Variants in ZNF804A observed in about 807,000 individuals in gnomAD.
The protein encoded by ZNF804A is zinc finger protein 804A.
ZNF804A carries 2 observed loss-of-function variants against 16.5 expected under a neutral mutation model. That is an observed-to-expected ratio of 0.12 (90% confidence interval 0.05 to 0.38). The LOEUF is 0.38. Ranked by LOEUF, ZNF804A falls within the 10% of genes least tolerant of loss-of-function variation. The pLI is 0.99. For missense variants in ZNF804A, 1,473 were observed against 1,390.7 expected, an observed-to-expected ratio of 1.06 and a Z score of -0.94; for synonymous variants, 534 against 489.6, an observed-to-expected ratio of 1.09 and a Z score of -1.20.
intron 1 of ZNF804A, among the ~76,000 whole-genome samples, chr2:184,651,036 A>G (rs1447794838): frequency 1.3e-5 from 2 of 152,146 alleles, no homozygotes; most frequent in East Asian, 3.8e-4. Context: ...CCCAACTTCA[A>G]ATTATACTAT....
At chr2:184,827,921 C>A (rs1409054803) in intron 1 of ZNF804A, among the ~76,000 whole-genome samples, 1 of 151,538 alleles carries the variant, frequency 6.6e-6, no homozygotes, top group Non-Finnish European at 1.5e-5. Flanking sequence ...CTTGAGAGTG[C>A]GTACTTGTAA....
intron 1 of ZNF804A, among the ~76,000 whole-genome samples, chr2:184,613,577 A>C (rs568611120): frequency 6.6e-6 from 1 of 152,354 alleles, no homozygotes; most frequent in South Asian, 2.1e-4. Context: ...ACAAATTAAA[A>C]ATTAATAAAA....
intron 2 of ZNF804A, among the ~76,000 whole-genome samples, chr2:184,925,528 C>T (rs1396633170): frequency 1.3e-5 from 2 of 151,690 alleles, no homozygotes; most frequent in African/African-American, 4.8e-5. Context: ...GAGTTTAGTC[C>T]ATGTATGCTT....
chr2:184,888,661 A>C (rs1684934498), intron 2 of ZNF804A, among the ~76,000 whole-genome samples: 3 of 152,154 alleles, frequency 2.0e-5, no homozygotes, highest in Admixed American at 2.0e-4. Context: ...CTCAGTTCTA[A>C]ATGCTGCCTA....
chr2:184,791,825 A>C (rs1432382859), intron 1 of ZNF804A, among the ~76,000 whole-genome samples: 1 of 152,158 alleles, frequency 6.6e-6, no homozygotes, highest in Non-Finnish European at 1.5e-5. Flanking sequence ...GAGCCCTAAA[A>C]AATCATCTTT....
At chr2:184,637,516 A>T (rs1479183619) in intron 1 of ZNF804A, among the ~76,000 whole-genome samples, 1 of 152,158 alleles carries the variant, frequency 6.6e-6, no homozygotes, top group East Asian at 1.9e-4. Flanking sequence ...AAAGTATAAC[A>T]TTTTAGTGTT....
Position 184,938,373 on chromosome 2 carries a change from C to T in ZNF804A, c.2977C>T (p.Arg993Cys), listed in dbSNP as rs765408830. The T allele has an allele frequency of 1.9e-6, 3 of 1,614,078 alleles. No individual in the cohort carries two copies. Among genetic ancestry groups the T allele is most frequent in the East Asian group, 2.2e-5 (1 of 44,856 alleles). Residue 993 changes from arginine (R) to cysteine (C), a missense_variant, in exon 4 of 4, where the codon CGT (arginine) becomes TGT (cysteine). Physicochemically the swap from Arg to Cys is radical, Grantham distance 180. Transcript: ENST00000302277. ...KMNETPTEWL[R>C]YNSGILNTQP... ...GAATGAGACACCAACTGAGTGGCTG[C>T]GTTATAATTCAGGAATCCTTAACAC... is the stretch of plus-strand genomic sequence containing the variant.
intron 1 of ZNF804A, among the ~76,000 whole-genome samples, chr2:184,720,209 A>G (rs1052843468): frequency 6.6e-6 from 1 of 152,174 alleles, no homozygotes; most frequent in African/African-American, 2.4e-5. Flanking sequence ...CCCATAATTC[A>G]GTCACCTCCC....
intron 1 of ZNF804A, among the ~76,000 whole-genome samples, chr2:184,605,351 C>A (rs1691128409): frequency 6.6e-6 from 1 of 152,002 alleles, no homozygotes; most frequent in Non-Finnish European, 1.5e-5. Flanking sequence ...AGTTTCTCTT[C>A]CTAAAAATTT....
At chr2:184,852,238 T>C (rs1695616444) in intron 1 of ZNF804A, among the ~76,000 whole-genome samples, 1 of 148,336 alleles carries the variant, frequency 6.7e-6, no homozygotes, top group Admixed American at 6.6e-5. Flanking sequence ...TTTCTCTCTC[T>C]CTCTCTCTCT....
chr2:184,898,384 G>C (rs1685122964), intron 2 of ZNF804A, among the ~76,000 whole-genome samples: 1 of 142,588 alleles, frequency 7.0e-6, no homozygotes, highest in African/African-American at 2.9e-5. Flanking sequence ...CTCTTTACTT[G>C]GAAGTCTGTG....
At chr2:184,827,675 AT>A in intron 1 of ZNF804A, among the ~76,000 whole-genome samples, 1 of 151,194 alleles carries the variant, frequency 6.6e-6, no homozygotes, top group East Asian at 1.9e-4. Context: ...ATATAAACTA[AT>A]TTGTTTCTAG....
intron 1 of ZNF804A, among the ~76,000 whole-genome samples, chr2:184,826,933 T>A (rs1004803588): frequency 6.6e-6 from 1 of 152,108 alleles, no homozygotes; most frequent in African/African-American, 2.4e-5. Context: ...TACTTTTTAC[T>A]TCATTTTATC....
intron 1 of ZNF804A, among the ~76,000 whole-genome samples, chr2:184,832,646 C>A (rs1336271078): frequency 1.3e-5 from 2 of 151,550 alleles, no homozygotes; most frequent in Non-Finnish European, 3.0e-5. Flanking sequence ...TTTTTTTATA[C>A]TTTTCATTCT....
At chr2:184,612,733 T>C (rs1269060674) in intron 1 of ZNF804A, among the ~76,000 whole-genome samples, 1 of 152,134 alleles carries the variant, frequency 6.6e-6, no homozygotes, top group Non-Finnish European at 1.5e-5. Context: ...TTAAAGTAGT[T>C]GATGTTATGA....
chr2:184,808,535 T>C (rs1694846011), intron 1 of ZNF804A, among the ~76,000 whole-genome samples: 1 of 151,582 alleles, frequency 6.6e-6, no homozygotes, highest in Non-Finnish European at 1.5e-5. Flanking sequence ...AATACATATA[T>C]GAAATTTTGG....
At chr2:184,787,789 C>T (rs186655306) in intron 1 of ZNF804A, among the ~76,000 whole-genome samples, 105 of 150,434 alleles carry the variant, frequency 7.0e-4, no homozygotes, top group African/African-American at 2.3e-3. Flanking sequence ...ATATTTTCTC[C>T]CATTCTGTAG....
chr2:184,808,118 T>A (rs984798431), intron 1 of ZNF804A, among the ~76,000 whole-genome samples: 1 of 151,792 alleles, frequency 6.6e-6, no homozygotes, highest in South Asian at 2.1e-4. Flanking sequence ...AGACTATTAG[T>A]TCAGTATAGA....
chr2:184,731,041 G>A (rs886878010), intron 1 of ZNF804A, among the ~76,000 whole-genome samples: 31 of 151,514 alleles, frequency 2.0e-4, no homozygotes, highest in African/African-American at 6.8e-4. Context: ...TCAGGAGTTC[G>A]AGACCAGCCT....
Sources: gnomAD v4.1 joint callset for allele counts (sites outside exome capture counted in the v4.1 genomes callset) on GRCh38, gnomAD v4.1.1 for gene constraint, MANE v1.5 for transcripts, NCBI Gene and HGNC (gene_info 2026-07-23, HGNC 2026-07-21) for gene names.